Variants in ZFP69B observed in about 807,000 individuals in gnomAD.
The protein encoded by ZFP69B is zinc finger protein 69 homolog B.
Under a neutral mutation model 19.7 loss-of-function variants are expected in ZFP69B, and 20 were observed. The ratio of observed to expected loss-of-function variants is 1.02; its 90% CI spans 0.71 to 1.48. The LOEUF is 1.48. Among genes scored for constraint, ZFP69B ranks in the 40% most tolerant of loss-of-function variants. The probability of loss-of-function intolerance (pLI) is 0.00; values close to 1 mark genes in which losing one functional copy is unlikely to be tolerated. For missense variants in ZFP69B, 583 were observed against 632.6 expected (o/e 0.92, Z 0.84); for synonymous variants, 220 against 222.7 (o/e 0.99, Z 0.11).
Position 40,463,019 on chromosome 1 carries a change from A to C in ZFP69B, c.1035A>C (p.Arg345Ser), listed in dbSNP as rs1274298429. The change falls in exon 5 of 5, where the codon AGA becomes AGC. Residue 345 changes from arginine (R) to serine (S), a missense_variant. Arg to Ser is a moderately radical substitution (Grantham distance 110, BLOSUM62 -1). Transcript: ENST00000361584. Reference sequence around the variant, plus strand: ...GTAAGGAGTGTGGGAAAACCTTCAGACATCCTTCATCGCTTACTCAACATG... The same window carrying C: ...GTAAGGAGTGTGGGAAAACCTTCAGCCATCCTTCATCGCTTACTCAACATG... ...YECKECGKTF[R>S]HPSSLTQHVR... 1 of 1,614,078 alleles carries C rather than the reference A, an allele frequency of 6.2e-7. No individual in the cohort carries two copies. Among genetic ancestry groups the C allele is most frequent in the Admixed American group, 1.7e-5 (1 of 60,012 alleles).
chr1:40,453,921 G>A (rs939248154), intron 1 of ZFP69B, among the ~76,000 whole-genome samples: 8 of 152,142 alleles, frequency 5.3e-5, no homozygotes, highest in African/African-American at 1.9e-4. Flanking sequence ...CTATATTGAA[G>A]TGTTTGCATT....
rs1379890470 is a variant in ZFP69B at position 40,462,556 on chromosome 1, A to C, written c.572A>C (p.Lys191Thr). 1 of 1,614,172 alleles carries C rather than the reference A, an allele frequency of 6.2e-7. No homozygotes were observed. The change falls in exon 5 of 5, where the codon AAA (lysine) becomes ACA (threonine). Residue 191 changes from lysine to threonine, a missense_variant. Lys to Thr is a moderately conservative substitution (Grantham distance 78, BLOSUM62 -1). Transcript: ENST00000361584. ...SMYSTLGRIS[K>T]CNKLESQQEN... The stretch of plus-strand genomic sequence containing the variant: ...TATTCCACCTTGGGAAGAATCTCCA[A>C]ATGTAATAAGCTAGAAAGCCAACAA...
intron 1 of ZFP69B, among the ~76,000 whole-genome samples, chr1:40,451,839 G>A (rs2124412551): frequency 6.6e-6 from 1 of 152,342 alleles, no homozygotes; most frequent in South Asian, 2.1e-4. Context: ...GGCCAGGTGT[G>A]GTGGCTCATG....
At chr1:40,452,348 T>G (rs1397821801) in intron 1 of ZFP69B, among the ~76,000 whole-genome samples, 2 of 152,182 alleles carry the variant, frequency 1.3e-5, no homozygotes, top group African/African-American at 4.8e-5. Context: ...GCCGGGCATT[T>G]TATACTTTGC....
intron 2 of ZFP69B, among the ~76,000 whole-genome samples, chr1:40,456,342 T>G (rs1645232666): frequency 6.6e-6 from 1 of 152,226 alleles, no homozygotes; most frequent in South Asian, 2.1e-4. Flanking sequence ...TTGATTTGCA[T>G]TTCTCTAATG....
In ZFP69B at chr1:40,462,399, T is replaced by C. The variant is rs758377825; in HGVS notation, c.437-22T>C. On this transcript the variant is annotated intron_variant, in intron 4 of 4. Coordinates refer to ENST00000361584, the MANE Select transcript of ZFP69B (RefSeq NM_023070.3). Reference sequence around the variant, plus strand: ...TTTAAAGTGCAAGGAATATGGATCTTTTTTTTTATTATTTCTTTCAGACTT... The same window carrying C: ...TTTAAAGTGCAAGGAATATGGATCTCTTTTTTTATTATTTCTTTCAGACTT... The C allele has an allele frequency of 4.5e-6, 7 of 1,551,488 alleles. No homozygotes were observed. The African/African-American group carries it at 9.7e-5, about 22-fold the overall frequency.
rs61748790 is a variant in ZFP69B at position 40,463,348 on chromosome 1, C to T, written c.1364C>T (p.Ala455Val). 7.7e-4 allele frequency: 1,245 copies of T among 1,614,108 alleles called. 10 individuals carry two copies. The African/African-American group carries it at 0.015, about 20-fold the overall frequency. The change falls in exon 5 of 5, where the codon GCC becomes GTC. Residue 455 changes from alanine (A) to valine (V), a missense_variant. Transcript: ENST00000361584. ...RPYKCKECGK[A>V]FSQRIHLSIH... ...TATAAATGTAAGGAATGTGGGAAAG[C>T]CTTTAGCCAGAGAATACATCTTTCT...
Position 40,454,206 on chromosome 1 carries a change from T to C in ZFP69B, c.131T>C (p.Leu44Pro). ...CATGGCTCTTTTCCTTCCCCAGCTCTGCTGTCTCAGGATGCTGATGAGACC... is the reference window on the plus strand; with the variant it reads ...CATGGCTCTTTTCCTTCCCCAGCTCCGCTGTCTCAGGATGCTGATGAGACC... ...DVTKMFKAEA[L>P]LSQDADETQG... The change falls in exon 2 of 5, where the codon CTG becomes CCG. Residue 44 changes from leucine (L) to proline (P), a missense_variant. Transcript: ENST00000361584. The C allele has an allele frequency of 6.3e-7, 1 of 1,597,270 alleles. No individual in the cohort carries two copies. The highest frequency in any genetic ancestry group is 1.1e-5 in the South Asian group (1 of 87,190).
intron 4 of ZFP69B, among the ~76,000 whole-genome samples, chr1:40,460,070 T>A (rs888749194): frequency 6.6e-6 from 1 of 152,174 alleles, no homozygotes; most frequent in Admixed American, 6.5e-5. Context: ...TTCTACCTCT[T>A]ATATTGGCAA....
intron 1 of ZFP69B, among the ~76,000 whole-genome samples, chr1:40,451,765 C>T (rs1645189574): frequency 6.6e-6 from 1 of 151,948 alleles, no homozygotes; most frequent in African/African-American, 2.4e-5. Flanking sequence ...CCTTTTAGAT[C>T]CTCTTCAGTT....
chr1:40,456,666 T>C (rs1227468833), intron 2 of ZFP69B, among the ~76,000 whole-genome samples: 1 of 152,232 alleles, frequency 6.6e-6, no homozygotes, highest in Non-Finnish European at 1.5e-5. Context: ...TCCTGAACTT[T>C]ATTGTCTTTA....
Position 40,450,945 on chromosome 1 carries a change from G to C in ZFP69B, c.-17G>C. On this transcript the variant is annotated 5_prime_UTR_variant, in exon 1 of 5. Transcript: ENST00000361584. ...GGCTAAGACAGAGGGTCCTCAGAAAGGAGTGCGGACGCCGTCATGCTGCAG... is the reference window on the plus strand; with the variant it reads ...GGCTAAGACAGAGGGTCCTCAGAAACGAGTGCGGACGCCGTCATGCTGCAG... 6.5e-7 allele frequency: 1 copy of C among 1,540,280 alleles called. No homozygotes were observed. The highest frequency in any genetic ancestry group is 1.8e-4 in the Middle Eastern group (1 of 5,460).
Position 40,463,287 on chromosome 1 carries a change from A to G in ZFP69B, c.1303A>G (p.Thr435Ala). The stretch of plus-strand genomic sequence containing the variant: ...AACCTTCAGCCATAGTACATACCTA[A>G]CTCAACACCAGAGAACTCATACTGG... ...SKTFSHSTYL[T>A]QHQRTHTGER... The change falls in exon 5 of 5, where the codon ACT (threonine) becomes GCT (alanine). Residue 435 changes from threonine (T) to alanine (A), a missense_variant. Physicochemically the swap from Thr to Ala is moderately conservative, Grantham distance 58 (BLOSUM62 0). Transcript: ENST00000361584. 2 of 1,614,174 alleles carry G rather than the reference A, an allele frequency of 1.2e-6. 1 individual carries two copies. Among genetic ancestry groups the G allele is most frequent in the Middle Eastern group, 3.3e-4 (2 of 6,062 alleles).
rs1645296517 is a variant in ZFP69B, at chr1:40,462,438, A to G, written c.454A>G (p.Lys152Glu). 6.3e-7 allele frequency: 1 copy of G among 1,585,096 alleles called. No individual in the cohort carries two copies. The highest frequency in any genetic ancestry group is 8.5e-7 in the Non-Finnish European group (1 of 1,170,974). Residue 152 changes from lysine (K) to glutamate (E), a missense_variant, in exon 5 of 5, where the codon AAA (lysine) becomes GAA (glutamate). Physicochemically the swap from Lys to Glu is moderately conservative, Grantham distance 56 (BLOSUM62 1). Transcript: ENST00000361584. ...VPSSDLKSKT[K>E]TKESALQNDI... ...TCTTTCAGACTTGAAGAGCAAAACA[A>G]AAACCAAAGAGTCAGCCTTACAGAA...
At chr1:40,455,176 A>T (rs1390489977) in intron 2 of ZFP69B, among the ~76,000 whole-genome samples, 1 of 152,244 alleles carries the variant, frequency 6.6e-6, no homozygotes, top group East Asian at 1.9e-4. Flanking sequence ...ATAGCAGTTT[A>T]ACAGTGTGCC....
At position 40,463,083 on chromosome 1, in the gene ZFP69B, G is replaced by T; in HGVS notation, c.1099G>T (p.Val367Leu). Reference sequence around the variant, plus strand: ...CGGGGAAAAGCCCTATGAATGTAGGGTATGTGAGAAAGCCTTCAGCCAGAG... The same window carrying T: ...CGGGGAAAAGCCCTATGAATGTAGGTTATGTGAGAAAGCCTTCAGCCAGAG... ...HTGEKPYECR[V>L]CEKAFSQSIG... The change falls in exon 5 of 5, where the codon GTA becomes TTA. Residue 367 changes from valine (V) to leucine (L), a missense_variant. Physicochemically the swap from Val to Leu is conservative, Grantham distance 32. Transcript: ENST00000361584. 6.2e-7 allele frequency: 1 copy of T among 1,614,156 alleles called. No homozygotes were observed.
chr1:40,457,838 G>T (rs1645248298), intron 4 of ZFP69B, among the ~76,000 whole-genome samples: 2 of 152,078 alleles, frequency 1.3e-5, no homozygotes, highest in Admixed American at 1.3e-4. Flanking sequence ...GTCTCTCAAT[G>T]ATTTCATTTT....
chr1:40,454,057 A>G (rs948073602), intron 1 of ZFP69B, 146 bp from the exon 2 acceptor site: 3 of 417,420 alleles, frequency 7.2e-6, no homozygotes, highest in Non-Finnish European at 8.4e-6. Context: ...CTTATTAAGG[A>G]GGCTTTGAGC....
rs1645306963 is a variant in ZFP69B at position 40,463,095 on chromosome 1, G to A, written c.1111G>A (p.Ala371Thr). Residue 371 changes from alanine to threonine, a missense_variant, in exon 5 of 5, where the codon GCC becomes ACC. By Grantham distance (58) the Ala-to-Thr change is moderately conservative. Coordinates refer to ENST00000361584, the MANE Select transcript of ZFP69B (RefSeq NM_023070.3). ...KPYECRVCEK[A>T]FSQSIGLIQH... Reference sequence around the variant, plus strand: ...CTATGAATGTAGGGTATGTGAGAAAGCCTTCAGCCAGAGCATTGGACTGAT... The same window carrying A: ...CTATGAATGTAGGGTATGTGAGAAAACCTTCAGCCAGAGCATTGGACTGAT... 1 of 1,614,048 alleles carries A rather than the reference G, an allele frequency of 6.2e-7. No individual in the cohort carries two copies. The highest frequency in any genetic ancestry group is 8.5e-7 in the Non-Finnish European group (1 of 1,180,032).
Sources: gnomAD v4.1 joint callset for allele counts (sites outside exome capture counted in the v4.1 genomes callset) on GRCh38, gnomAD v4.1.1 for gene constraint, MANE v1.5 for transcripts, NCBI Gene and HGNC (gene_info 2026-07-23, HGNC 2026-07-21) for gene names.